The following MYO1E variants were observed in gnomAD, a reference collection of about 807,000 sequenced individuals.
MYO1E encodes the protein myosin IE.
In MYO1E, 68 loss-of-function variants were observed where a neutral mutation model predicts 151.1. The ratio of observed to expected loss-of-function variants is 0.45; its 90% CI spans 0.37 to 0.55. The LOEUF (loss-of-function observed/expected upper bound fraction) is 0.55. MYO1E is among the 20% of genes least tolerant of loss of function. The pLI is 0.00. For synonymous variants in MYO1E, 601 were observed against 501.7 expected (o/e 1.20, Z -2.64); for missense variants, 1,363 against 1,389.3 (o/e 0.98, Z 0.30).
At chr15:59,313,965 T>A (rs1042667919) in intron 1 of MYO1E, among the ~76,000 whole-genome samples, 1 of 152,222 alleles carries the variant, frequency 6.6e-6, no homozygotes, top group Non-Finnish European at 1.5e-5. Context: ...GAACAGGAGT[T>A]AGACAGCGTG....
intron 5 of MYO1E, among the ~76,000 whole-genome samples, chr15:59,232,329 A>G (rs2080033313): frequency 6.6e-6 from 1 of 152,208 alleles, no homozygotes; most frequent in Non-Finnish European, 1.5e-5. Flanking sequence ...GATCTTGTCA[A>G]AATGCAGATG....
rs544851404 is a variant in MYO1E at position 59,160,944 on chromosome 15, C to T, written c.2785+129G>A. On this transcript the variant is annotated intron_variant, in intron 24 of 27. Coordinates refer to ENST00000288235, the MANE Select transcript of MYO1E (RefSeq NM_004998.4). ...TTGAAATGTTCCATTCTGAAGAAAG[C>T]GTGAGCCCCAGCAAGCAGAAGGTGT... is the stretch of plus-strand genomic sequence containing the variant. The T allele has an allele frequency of 8.3e-5, 106 of 1,270,330 alleles. No homozygotes were observed. The East Asian group carries it at 1.3e-3, about 16-fold the overall frequency. 78.7% of individuals were successfully genotyped at this position (1,270,330 alleles called of 1,614,324 possible). A position where few individuals can be genotyped will look rare whatever the true frequency, so the allele number is the denominator to read the frequency against.
chr15:59,222,513 GATC>G (rs2079962178), intron 9 of MYO1E, among the ~76,000 whole-genome samples: 1 of 152,178 alleles, frequency 6.6e-6, no homozygotes, highest in South Asian at 2.1e-4. Flanking sequence ...CATTAAAAGT[GATC>G]ATCAGAAATG....
chr15:59,142,533 GT>G (rs1249731257), intron 26 of MYO1E, among the ~76,000 whole-genome samples: 1 of 152,172 alleles, frequency 6.6e-6, no homozygotes, highest in East Asian at 1.9e-4. Flanking sequence ...CTTGCCAGTT[GT>G]TTCCTTTCTA....
intron 16 of MYO1E, among the ~76,000 whole-genome samples, chr15:59,200,462 ATGTTCTTG>A (rs1288082639): frequency 2.6e-5 from 4 of 151,846 alleles, no homozygotes; most frequent in Non-Finnish European, 5.9e-5. Context: ...TTTCAACATG[ATGTTCTTG>A]ACGCTCAGAG....
chr15:59,203,010 T>C (rs1344034460), intron 15 of MYO1E, among the ~76,000 whole-genome samples: 2 of 151,546 alleles, frequency 1.3e-5, no homozygotes, highest in African/African-American at 4.9e-5. Context: ...CCTCCTGAAG[T>C]GTTGGGACTA....
At chr15:59,351,815 G>T (rs11858313) in intron 1 of MYO1E, among the ~76,000 whole-genome samples, 20,923 of 152,056 alleles carry the variant, frequency 0.14, 1,663 homozygotes, top group East Asian at 0.29. Context: ...TAGATGCCTG[G>T]GGGAATTCTA....
At chr15:59,218,481 A>G (rs760082838) in intron 9 of MYO1E, among the ~76,000 whole-genome samples, 12 of 152,224 alleles carry the variant, frequency 7.9e-5, no homozygotes, top group Non-Finnish European at 1.8e-4. Context: ...GGCTCCAAAT[A>G]TTGTTTTCTT....
intron 18 of MYO1E, among the ~76,000 whole-genome samples, chr15:59,187,798 C>T (rs2079707619): frequency 6.6e-6 from 1 of 152,158 alleles, no homozygotes; most frequent in Admixed American, 6.5e-5. Context: ...ATCTTATGTT[C>T]AGTGAAAGAA....
At chr15:59,161,452 C>T (rs369005096) in intron 23 of MYO1E, among the ~76,000 whole-genome samples, 113 of 152,284 alleles carry the variant, frequency 7.4e-4, no homozygotes, top group East Asian at 2.3e-3. Context: ...GGCCCGGTAC[C>T]GTGAGACACC....
At chr15:59,238,515 T>C (rs945784763) in intron 4 of MYO1E, among the ~76,000 whole-genome samples, 1 of 152,220 alleles carries the variant, frequency 6.6e-6, no homozygotes, top group African/African-American at 2.4e-5. Context: ...AAATAATGTA[T>C]GGGCAAAAAC....
rs570724391 is a variant in MYO1E, at chr15:59,248,522, T to C, written c.332+7762A>G. ...AAAAAAAAAAAAAAGTTAGCATCCATAGAAGCCACTCTTCCTGATTTGTCT... is the reference window on the plus strand; with the variant it reads ...AAAAAAAAAAAAAAGTTAGCATCCACAGAAGCCACTCTTCCTGATTTGTCT... On this transcript the variant is annotated intron_variant, in intron 4 of 27. Transcript: ENST00000288235. Among the ~76,000 whole-genome samples, 714 of 140,438 alleles carry C rather than the reference T, an allele frequency of 5.1e-3. 3 individuals carry two copies. The highest frequency in any genetic ancestry group is 0.015 in the African/African-American group (571 of 37,876). The allele number at this position is 140,438 out of a possible 152,430, so 92.1% of individuals were successfully genotyped here. A position where few individuals can be genotyped will look rare whatever the true frequency, so the allele number is the denominator to read the frequency against.
At chr15:59,341,490 C>T (rs2080765687) in intron 1 of MYO1E, 2 of 152,116 alleles carry the variant, frequency 1.3e-5, no homozygotes, top group African/African-American at 4.8e-5. Flanking sequence ...ACCCCTGTCT[C>T]CCCAGTTCTC....
At chr15:59,217,487 G>C (rs1381302303) in intron 10 of MYO1E, among the ~76,000 whole-genome samples, 1 of 135,224 alleles carries the variant, frequency 7.4e-6, no homozygotes, top group African/African-American at 2.8e-5. Context: ...GAAGGAGCCA[G>C]AACAGGAACA....
In MYO1E at chr15:59,173,726, G is replaced by C. The variant is rs767036166; in HGVS notation, c.2334+20C>G. On this transcript the variant is annotated intron_variant, in intron 21 of 27. Transcript: ENST00000288235. Reference sequence around the variant, plus strand: ...AAGGAATCTGTTTGGTGATCTCAGAGGCAGGCAGTTAGCACGTACCTTGAA... The same window carrying C: ...AAGGAATCTGTTTGGTGATCTCAGACGCAGGCAGTTAGCACGTACCTTGAA... The C allele has an allele frequency of 4.3e-6, 7 of 1,613,528 alleles. No homozygotes were observed. The highest frequency in any genetic ancestry group is 5.1e-6 in the Non-Finnish European group (6 of 1,179,480).
chr15:59,262,227 A>T (rs1430503306), intron 2 of MYO1E, among the ~76,000 whole-genome samples: 1 of 151,974 alleles, frequency 6.6e-6, no homozygotes, highest in Non-Finnish European at 1.5e-5. Context: ...AATAAAAAAA[A>T]ATATTCATCT....
chr15:59,265,967 TAAAAA>T (rs1566996329), intron 2 of MYO1E, among the ~76,000 whole-genome samples: 1 of 151,122 alleles, frequency 6.6e-6, no homozygotes, highest in East Asian at 1.9e-4. Flanking sequence ...TAAAATAAAA[TAAAAA>T]ATTTAAAAAA....
At chr15:59,297,041 AC>A (rs2080454036) in intron 1 of MYO1E, among the ~76,000 whole-genome samples, 1 of 64,898 alleles carries the variant, frequency 1.5e-5, no homozygotes, top group Non-Finnish European at 4.0e-5. Context: ...TTTTGTAGAG[AC>A]AGAGTTTCAC....
At chr15:59,152,729 G>C (rs2079489068) in intron 26 of MYO1E, among the ~76,000 whole-genome samples, 1 of 152,188 alleles carries the variant, frequency 6.6e-6, no homozygotes, top group Non-Finnish European at 1.5e-5. Context: ...GAAGCTCAGA[G>C]AGAGCAAACA....
Sources: allele counts gnomAD v4.1 joint callset (sites outside exome capture counted in the v4.1 genomes callset), GRCh38; gene constraint gnomAD v4.1.1; transcripts MANE v1.5; gene names NCBI Gene and HGNC (gene_info 2026-07-23, HGNC 2026-07-21).